Variants in EDDM13 observed in about 807,000 individuals in gnomAD.
EDDM13 encodes the protein epididymal protein 13.
Under a neutral mutation model 17.8 loss-of-function variants are expected in EDDM13, and 24 were observed. That is an observed-to-expected ratio of 1.35 (90% CI 0.98 to 1.90). The LOEUF is 1.90. Among genes scored for constraint, EDDM13 ranks in the 40% most tolerant of loss-of-function variants. The pLI, the probability that EDDM13 is intolerant of heterozygous loss-of-function variation, is 0.00. For synonymous variants in EDDM13, 31 were observed against 37.5 expected, an observed-to-expected ratio of 0.83 and a Z score of 0.63; for missense variants, 97 against 100.8, an observed-to-expected ratio of 0.96 and a Z score of 0.16.
chr19:56,281,577 A>C, intron 2 of EDDM13, 116 bp from the exon 3 acceptor site: 1 of 406,728 alleles, frequency 2.5e-6, no homozygotes, highest in Non-Finnish European at 3.3e-6. Context: ...TCCATGAAGG[A>C]ATAAAGAAAT....
At chr19:56,287,422 A>G (rs897572442) in intron 6 of EDDM13, among the ~76,000 whole-genome samples, 13 of 152,030 alleles carry the variant, frequency 8.6e-5, no homozygotes, top group Non-Finnish European at 1.6e-4. Flanking sequence ...TCCCTCCCAC[A>G]TTGCCTGCGG....
At chr19:56,297,054 A>G (rs1253723401) in intron 11 of EDDM13, among the ~76,000 whole-genome samples, 2 of 148,274 alleles carry the variant, frequency 1.3e-5, no homozygotes, top group Non-Finnish European at 3.0e-5. Context: ...GGGTGACAAG[A>G]GCAAAACTCT....
chr19:56,300,940 G>A (rs919153386), intron 12 of EDDM13, among the ~76,000 whole-genome samples: 26 of 152,170 alleles, frequency 1.7e-4, no homozygotes, highest in Non-Finnish European at 8.8e-5. Context: ...TCTGGTGCTA[G>A]AAAGATCCTG....
intron 9 of EDDM13, among the ~76,000 whole-genome samples, chr19:56,293,029 T>A (rs558379041): frequency 6.6e-6 from 1 of 152,330 alleles, no homozygotes; most frequent in Admixed American, 6.5e-5. Flanking sequence ...TGGTCCACAT[T>A]CAAAGCCATC....
chr19:56,309,835 G>A (rs1282084855), intron 14 of EDDM13, among the ~76,000 whole-genome samples: 1 of 152,208 alleles, frequency 6.6e-6, no homozygotes, highest in Non-Finnish European at 1.5e-5. Context: ...GTTTCTAGAA[G>A]AGCCCTGCTC....
chr19:56,284,336 T>A (rs962536451), intron 5 of EDDM13, 130 bp downstream of exon 5: 1 of 217,922 alleles, frequency 4.6e-6, no homozygotes. Context: ...GATAAAAATA[T>A]GGTGCAAGGA....
chr19:56,309,357 T>C (rs1265767114), intron 14 of EDDM13, among the ~76,000 whole-genome samples: 2 of 152,144 alleles, frequency 1.3e-5, no homozygotes, highest in Non-Finnish European at 2.9e-5. Flanking sequence ...TTGATGAAAA[T>C]GTTCCACTCT....
intron 8 of EDDM13, among the ~76,000 whole-genome samples, chr19:56,289,670 G>C (rs1365932689): frequency 6.6e-6 from 1 of 152,142 alleles, no homozygotes. Flanking sequence ...TTGGAGTGCA[G>C]TAGTGCAATC....
chr19:56,308,236 G>A (rs1454318738), intron 14 of EDDM13, among the ~76,000 whole-genome samples: 1 of 152,038 alleles, frequency 6.6e-6, no homozygotes, highest in Non-Finnish European at 1.5e-5. Flanking sequence ...GTTTCACCAT[G>A]TTGGCCAGGA....
intron 12 of EDDM13, 59 bp downstream of exon 12, chr19:56,297,590 G>A (rs968789482): frequency 1.1e-6 from 1 of 916,580 alleles, no homozygotes; most frequent in African/African-American, 1.8e-5. Flanking sequence ...CTTCTGTCTG[G>A]GCTATGATAA....
At chr19:56,304,452 C>G (rs1346921890) in intron 13 of EDDM13, among the ~76,000 whole-genome samples, 1 of 152,176 alleles carries the variant, frequency 6.6e-6, no homozygotes, top group Non-Finnish European at 1.5e-5. Flanking sequence ...GCCAGGGAGG[C>G]CACTCAACCT....
intron 13 of EDDM13, among the ~76,000 whole-genome samples, chr19:56,302,317 C>A (rs1314904454): frequency 6.9e-6 from 1 of 144,938 alleles, no homozygotes; most frequent in African/African-American, 2.5e-5. Flanking sequence ...TTTCTCCCTC[C>A]CTCCCTCCCC....
intron 6 of EDDM13, among the ~76,000 whole-genome samples, chr19:56,285,703 A>T (rs1187624135): frequency 1.3e-5 from 2 of 151,968 alleles, no homozygotes; most frequent in East Asian, 1.9e-4. Flanking sequence ...CTGGTCTCGA[A>T]CTCCTGACCT....
chr19:56,287,062 C>A (rs892654405), intron 6 of EDDM13, among the ~76,000 whole-genome samples: 3 of 152,182 alleles, frequency 2.0e-5, no homozygotes, highest in Non-Finnish European at 4.4e-5. Flanking sequence ...TGACTCCTTC[C>A]CACCCCCACC....
chr19:56,303,518 G>C (rs779848932), intron 13 of EDDM13, among the ~76,000 whole-genome samples: 1 of 148,576 alleles, frequency 6.7e-6, no homozygotes, highest in African/African-American at 2.5e-5. Flanking sequence ...GGAAAGGAGG[G>C]AGGGAGGGAG....
At chr19:56,280,301 G>C (rs2038592839) in intron 2 of EDDM13, among the ~76,000 whole-genome samples, 1 of 152,102 alleles carries the variant, frequency 6.6e-6, no homozygotes, top group Non-Finnish European at 1.5e-5. Context: ...GTTTTTGGCT[G>C]AATAATATTT....
chr19:56,302,613 C>CTCT (rs2040403939), intron 13 of EDDM13, among the ~76,000 whole-genome samples: 1 of 112,516 alleles, frequency 8.9e-6, no homozygotes, highest in African/African-American at 3.4e-5. Context: ...CTTCCTCTCC[C>CTCT]TCTTCCTCCC....
chr19:56,278,020 A>G (rs984017643), intron 2 of EDDM13, among the ~76,000 whole-genome samples: 11 of 152,072 alleles, frequency 7.2e-5, no homozygotes, highest in Non-Finnish European at 8.8e-5. Flanking sequence ...ATTATTTTAC[A>G]TTTTTGCAAA....
intron 13 of EDDM13, chr19:56,302,804 T>G (rs1446601049): frequency 2.5e-6 from 1 of 398,506 alleles, no homozygotes; most frequent in Non-Finnish European, 4.4e-6. Context: ...TCACTCATTC[T>G]GCCTCTCTCT....
Sources: gnomAD v4.1 joint callset for allele counts (sites outside exome capture counted in the v4.1 genomes callset) on GRCh38, gnomAD v4.1.1 for gene constraint, MANE v1.5 for transcripts, NCBI Gene and HGNC (gene_info 2026-07-23, HGNC 2026-07-21) for gene names.